IGF2BP1: variants seen among roughly 807,000 people sequenced by gnomAD.
IGF2BP1 encodes the protein insulin-like growth factor 2 mRNA-binding protein 1.
Under a neutral mutation model 74.9 loss-of-function variants are expected in IGF2BP1, and 11 were observed. That is an observed-to-expected ratio of 0.15 (90% CI 0.09 to 0.24). The LOEUF (loss-of-function observed/expected upper bound fraction) is 0.24. Ranked by LOEUF, IGF2BP1 falls within the 10% of genes least tolerant of loss-of-function variation. IGF2BP1 has a pLI of 1.00. For missense variants in IGF2BP1, 440 were observed against 757.4 expected, an observed-to-expected ratio of 0.58 and a Z score of 4.92; for synonymous variants, 287 against 281.8, an observed-to-expected ratio of 1.02 and a Z score of -0.18.
At position 49,052,615 on chromosome 17, in the gene IGF2BP1, G is replaced by A. The variant is rs1567832225; in HGVS notation, c.*3171G>A. The A allele has an allele frequency of 6.6e-6, 1 of 152,414 alleles. No homozygotes were observed. The highest frequency in any genetic ancestry group is 1.5e-5 in the Non-Finnish European group (1 of 68,032). 9.4% of individuals were successfully genotyped at this position (152,414 alleles called of 1,614,324 possible). A position where few individuals can be genotyped will look rare whatever the true frequency, so the allele number is the denominator to read the frequency against. ...GAAAGCAAAAGGAGCATGGTTTGGT[G>A]GTTAAGGTTTAGTGGGATGAAGGAC... On this transcript the variant is annotated 3_prime_UTR_variant, in exon 15 of 15. Transcript: ENST00000290341.
rs371371570 is a variant in IGF2BP1, at chr17:48,997,745, C to G, written c.-1C>G. 3 of 1,613,120 alleles carry G rather than the reference C, an allele frequency of 1.9e-6. No individual in the cohort carries two copies. Among genetic ancestry groups the G allele is most frequent in the Non-Finnish European group, 2.5e-6 (3 of 1,179,480 alleles). ...CCGCGTCCTGCCCCGAGACCGCCACCATGAACAAGCTTTACATCGGCAACC... is the reference window on the plus strand; with the variant it reads ...CCGCGTCCTGCCCCGAGACCGCCACGATGAACAAGCTTTACATCGGCAACC... On this transcript the variant is annotated 5_prime_UTR_variant, in exon 1 of 15. Coordinates refer to ENST00000290341, the MANE Select transcript of IGF2BP1 (RefSeq NM_006546.4). The surrounding 1 kb of genome is among the most constrained non-coding windows in gnomAD (Gnocchi z 4.8).
intron 2 of IGF2BP1, among the ~76,000 whole-genome samples, chr17:49,024,274 T>A (rs546857405): frequency 4.9e-4 from 74 of 151,966 alleles, no homozygotes; most frequent in Non-Finnish European, 9.9e-4. Flanking sequence ...TACCTGGGCA[T>A]AGTGGCATGC....
intron 2 of IGF2BP1, chr17:49,013,123 AAAG>A (rs1306771766): frequency 1.3e-5 from 2 of 152,184 alleles, no homozygotes; most frequent in Non-Finnish European, 2.9e-5. Context: ...GTGTGGGCAA[AAAG>A]AAGTACTTTG....
At chr17:49,004,038 G>A (rs977503283) in intron 2 of IGF2BP1, among the ~76,000 whole-genome samples, 8 of 152,052 alleles carry the variant, frequency 5.3e-5, no homozygotes, top group African/African-American at 1.4e-4. Context: ...CGCTCGCCCC[G>A]GCCCGGCGGC....
rs2041422472 is a variant in IGF2BP1 at position 48,997,597 on chromosome 17, CT to C, written c.-148del. 2.4e-6 allele frequency: 2 copies of C among 838,604 alleles called. No individual in the cohort carries two copies. The highest frequency in any genetic ancestry group is 3.6e-6 in the Non-Finnish European group (2 of 551,686). 51.9% of individuals were successfully genotyped at this position (838,604 alleles called of 1,614,324 possible). A position where few individuals can be genotyped will look rare whatever the true frequency, so the allele number is the denominator to read the frequency against. On this transcript the variant is annotated 5_prime_UTR_variant, in exon 1 of 15. Coordinates refer to ENST00000290341, the MANE Select transcript of IGF2BP1 (RefSeq NM_006546.4). This position sits in a 1 kb window ranked among gnomAD's most constrained non-coding sequence, Gnocchi z 4.8. Reference sequence around the variant, plus strand: ...GCGCCCTCAGGCCGCCTTCCCCGCCCTGGGCTCGGGACAACTTCTGGGGTGG... The same window carrying C: ...GCGCCCTCAGGCCGCCTTCCCCGCCCGGGCTCGGGACAACTTCTGGGGTGG...
chr17:49,004,129 T>G (rs1243716765), intron 2 of IGF2BP1, among the ~76,000 whole-genome samples: 3 of 152,030 alleles, frequency 2.0e-5, no homozygotes, highest in Non-Finnish European at 4.4e-5. Context: ...CCCGCCTGCC[T>G]TCTCTTAACA....
chr17:49,019,944 A>ATATATATATATT (rs2041765337), intron 2 of IGF2BP1, among the ~76,000 whole-genome samples: 1 of 55,834 alleles, frequency 1.8e-5, no homozygotes, highest in African/African-American at 9.7e-5. Flanking sequence ...ATATATATAT[A>ATATATATATATT]TATATTTATA....
chr17:49,031,644 C>G (rs1340217969), intron 4 of IGF2BP1, among the ~76,000 whole-genome samples: 1 of 151,916 alleles, frequency 6.6e-6, no homozygotes, highest in Middle Eastern at 3.4e-3. Context: ...GTAGCTGGGA[C>G]TACAGGCACG....
chr17:49,041,528 A>T (rs769948511), intron 8 of IGF2BP1, 28 bp downstream of exon 8: 46 of 1,613,424 alleles, frequency 2.9e-5, no homozygotes, highest in Non-Finnish European at 3.5e-5. Flanking sequence ...TTCCCTGTTT[A>T]TGAGTGGGGG....
intron 2 of IGF2BP1, chr17:49,014,631 A>AGC (rs1440569984): frequency 6.6e-6 from 2 of 303,446 alleles, no homozygotes; most frequent in African/African-American, 4.5e-5. Flanking sequence ...GGAAGAAGCC[A>AGC]GCTGCAGCGC....
At chr17:49,037,391 T>C in intron 5 of IGF2BP1, 1 of 502,490 alleles carries the variant, frequency 2.0e-6, no homozygotes, top group Non-Finnish European at 3.7e-6. Flanking sequence ...AAAACTGGAA[T>C]TTCTACAAAG....
intron 6 of IGF2BP1, 112 bp downstream of exon 6, chr17:49,038,561 T>C: frequency 8.6e-7 from 1 of 1,162,984 alleles, no homozygotes; most frequent in South Asian, 2.4e-5. Flanking sequence ...TTTTAGGAAA[T>C]GTTGCCTGGA....
chr17:49,034,679 G>A (rs2041963633), intron 5 of IGF2BP1, among the ~76,000 whole-genome samples: 1 of 151,194 alleles, frequency 6.6e-6, no homozygotes, highest in Admixed American at 6.6e-5. Context: ...GGAGGTTGCA[G>A]TGGGTTGAGA....
At chr17:49,042,723 T>C (rs1183220259) in intron 9 of IGF2BP1, among the ~76,000 whole-genome samples, 3 of 152,064 alleles carry the variant, frequency 2.0e-5, no homozygotes, top group Non-Finnish European at 4.4e-5. Flanking sequence ...GTTGCCCAGG[T>C]TGGAGCACAA....
chr17:49,038,436 C>G lies in IGF2BP1; in HGVS notation c.670C>G (p.Gln224Glu), dbSNP rs754486391. 3.3e-6 allele frequency: 5 copies of G among 1,537,232 alleles called. No homozygotes were observed. In the South Asian group the frequency reaches 6.3e-5, roughly 19 times the overall value. Reference protein sequence around the residue: ...EGATIRNITKQTQSKIDVHRK... With the variant: ...EGATIRNITKETQSKIDVHRK... ...GGCCACCATCCGCAACATCACAAAACAGACCCAGTCCAAGTGAGTCTTGGC... is the reference window on the plus strand; with the variant it reads ...GGCCACCATCCGCAACATCACAAAAGAGACCCAGTCCAAGTGAGTCTTGGC... Residue 224 changes from glutamine (Q) to glutamate (E), a missense_variant, in exon 6 of 15, where the codon CAG becomes GAG. Coordinates refer to ENST00000290341, the MANE Select transcript of IGF2BP1 (RefSeq NM_006546.4).
chr17:49,014,420 C>T (rs925235064), intron 2 of IGF2BP1, among the ~76,000 whole-genome samples: 16 of 151,704 alleles, frequency 1.1e-4, no homozygotes, highest in Admixed American at 3.3e-4. Context: ...TCTTGGCCGT[C>T]CCCTCCTCCT....
At chr17:49,044,426 G>A (rs954951913) in intron 11 of IGF2BP1, among the ~76,000 whole-genome samples, 1 of 152,160 alleles carries the variant, frequency 6.6e-6, no homozygotes, top group Admixed American at 6.5e-5. Context: ...TTCCTCGTCA[G>A]TACAATATTA....
At chr17:49,039,905 A>C in intron 6 of IGF2BP1, 52 bp from the exon 7 acceptor site, 2 of 1,599,154 alleles carry the variant, frequency 1.3e-6, no homozygotes, top group Non-Finnish European at 1.7e-6. Flanking sequence ...GGGAGCCTGA[A>C]GTACTGGTAT....
rs757577687 is a variant in IGF2BP1 at position 49,044,107 on chromosome 17, TC to T, written c.1320+23del. 5.0e-6 allele frequency: 8 copies of T among 1,611,320 alleles called. No individual in the cohort carries two copies. The African/African-American group carries it at 1.1e-4, about 22-fold the overall frequency. ...TCAAGGTGATCTGCTCTGTGGGTCT[TC>T]CTGTTTCTGGAAAGGGAGGGGTCTC... On this transcript the variant is annotated intron_variant, in intron 11 of 14. Transcript: ENST00000290341.
Sources: gnomAD v4.1 joint callset for allele counts (sites outside exome capture counted in the v4.1 genomes callset) on GRCh38, gnomAD v4.1.1 for gene constraint, Gnocchi (gnomAD v3.1) non-coding constraint, MANE v1.5 for transcripts, NCBI Gene and HGNC (gene_info 2026-07-23, HGNC 2026-07-21) for gene names.